Variants in MUC7 observed in about 807,000 individuals in gnomAD.
The protein encoded by MUC7 is mucin-7.
A neutral mutation model predicts 2.5 loss-of-function variants in MUC7; 2 were observed. That is an observed-to-expected ratio of 0.81 (90% CI 0.33 to 2.55). The LOEUF (loss-of-function observed/expected upper bound fraction) is 2.55. Ranked by LOEUF, MUC7 falls within the 30% of genes most tolerant of loss-of-function variation. The pLI, the probability that MUC7 is intolerant of heterozygous loss-of-function variation, is 0.11. For missense variants in MUC7, 408 were observed against 455.6 expected, an observed-to-expected ratio of 0.90 and a Z score of 0.95; for synonymous variants, 133 against 173.4, an observed-to-expected ratio of 0.77 and a Z score of 1.83.
chr4:70,479,716 A>G (rs1032329), intron 2 of MUC7, among the ~76,000 whole-genome samples: 53,272 of 152,154 alleles, frequency 0.35, 9,989 homozygotes, highest in Admixed American at 0.44. Context: ...AAATAATGTC[A>G]GCAATGGCTA....
chr4:70,477,720 A>C (rs539822629), intron 2 of MUC7, among the ~76,000 whole-genome samples: 10 of 152,244 alleles, frequency 6.6e-5, no homozygotes, highest in African/African-American at 2.2e-4. Context: ...CAGTTTTCCC[A>C]TCCATATAAT....
chr4:70,459,347 G>A (rs962523366), intron 1 of MUC7, among the ~76,000 whole-genome samples: 8 of 152,160 alleles, frequency 5.3e-5, no homozygotes, highest in Admixed American at 2.0e-4. Context: ...ACCAAACACC[G>A]CATGTTCTCA....
intron 1 of MUC7, among the ~76,000 whole-genome samples, chr4:70,456,413 T>C (rs967786927): frequency 2.0e-5 from 3 of 152,200 alleles, no homozygotes; most frequent in Admixed American, 6.5e-5. Flanking sequence ...TATGAAGAAC[T>C]ACCTGAGACT....
intron 1 of MUC7, among the ~76,000 whole-genome samples, chr4:70,460,620 C>G (rs1734531449): frequency 6.6e-6 from 1 of 152,012 alleles, no homozygotes; most frequent in Non-Finnish European, 1.5e-5. Context: ...CTTTGGTTTC[C>G]TTTGTCCTGG....
intron 1 of MUC7, among the ~76,000 whole-genome samples, chr4:70,456,652 G>C (rs112535267): frequency 0.021 from 3,143 of 152,258 alleles, 59 homozygotes; most frequent in Non-Finnish European, 0.031. Flanking sequence ...CCACTCCCAT[G>C]ATCCAAACAC....
chr4:70,439,759 C>G (rs942098640), intron 1 of MUC7, among the ~76,000 whole-genome samples: 1 of 151,866 alleles, frequency 6.6e-6, no homozygotes, highest in Non-Finnish European at 1.5e-5. Context: ...TTTAAAAGCA[C>G]TATATGAATG....
intron 1 of MUC7, among the ~76,000 whole-genome samples, chr4:70,442,754 T>C (rs1397415343): frequency 2.0e-5 from 3 of 152,236 alleles, no homozygotes; most frequent in African/African-American, 7.2e-5. Context: ...TGCCATCTTA[T>C]ATGTGCTTAA....
chr4:70,476,110 G>A (rs767099113), intron 2 of MUC7, among the ~76,000 whole-genome samples: 12 of 152,052 alleles, frequency 7.9e-5, no homozygotes, highest in Non-Finnish European at 1.8e-4. Flanking sequence ...TGCTTCACAG[G>A]GCTGCTGAAG....
upstream of MUC7, among the ~76,000 whole-genome samples, chr4:70,467,951 CAAGAA>C (rs1226370361): frequency 6.6e-6 from 1 of 151,920 alleles, no homozygotes; most frequent in Non-Finnish European, 1.5e-5. Context: ...GGGAGAGACA[CAAGAA>C]AAGAAAATTT....
At chr4:70,448,528 T>C (rs181157773) in intron 1 of MUC7, among the ~76,000 whole-genome samples, 1 of 152,348 alleles carries the variant, frequency 6.6e-6, no homozygotes, top group East Asian at 1.9e-4. Flanking sequence ...ATCAGTGATG[T>C]TGAGCACCTT....
chr4:70,458,804 C>T (rs749370954), intron 1 of MUC7, among the ~76,000 whole-genome samples: 11 of 151,832 alleles, frequency 7.2e-5, no homozygotes, highest in East Asian at 1.9e-4. Flanking sequence ...TTGCTAGAAA[C>T]ATGATTATAA....
chr4:70,464,427 A>C (rs2332065), intron 1 of MUC7, among the ~76,000 whole-genome samples: 28,131 of 152,116 alleles, frequency 0.18, 2,976 homozygotes, highest in African/African-American at 0.27. Flanking sequence ...AGAAGGCTAA[A>C]GTCAAGGAAC....
chr4:70,473,765 C>T (rs2109740430), intron 1 of MUC7, among the ~76,000 whole-genome samples: 1 of 152,276 alleles, frequency 6.6e-6, no homozygotes, highest in South Asian at 2.1e-4. Flanking sequence ...AGAAAATGCT[C>T]ATTTTGCAAA....
At chr4:70,460,154 C>G (rs1243305576) in intron 1 of MUC7, among the ~76,000 whole-genome samples, 2 of 150,988 alleles carry the variant, frequency 1.3e-5, no homozygotes, top group African/African-American at 4.9e-5. Context: ...AATATTACAA[C>G]ACTTAGATTA....
intron 2 of MUC7, among the ~76,000 whole-genome samples, chr4:70,478,913 CA>C (rs1344341391): frequency 2.0e-5 from 3 of 152,258 alleles, no homozygotes; most frequent in Non-Finnish European, 4.4e-5. Flanking sequence ...GGAAAAATAC[CA>C]AAGTCATGTG....
Position 70,482,058 on chromosome 4 carries a change from C to A in MUC7, c.*180C>A. ...CAAGACCTATTAACAAGACAAAATG[C>A]CTCTATCCCACAAGCCAGATGCAGG... On this transcript the variant is annotated 3_prime_UTR_variant, in exon 3 of 3. Coordinates refer to ENST00000304887, the MANE Select transcript of MUC7 (RefSeq NM_152291.3). 1.3e-6 allele frequency: 1 copy of A among 767,314 alleles called. No homozygotes were observed. 47.5% of individuals were successfully genotyped at this position (767,314 alleles called of 1,614,324 possible). A position where few individuals can be genotyped will look rare whatever the true frequency, so the allele number is the denominator to read the frequency against.
chr4:70,471,325 A>G (rs1487964108), upstream of MUC7, among the ~76,000 whole-genome samples: 1 of 152,192 alleles, frequency 6.6e-6, no homozygotes, highest in Non-Finnish European at 1.5e-5. Context: ...GAAACTAGAG[A>G]CATAACAAGT....
chr4:70,449,533 G>T (rs546909064), intron 1 of MUC7, among the ~76,000 whole-genome samples: 37 of 152,204 alleles, frequency 2.4e-4, no homozygotes, highest in South Asian at 2.3e-3. Context: ...ACAATATTTG[G>T]GCAAGGACAC....
At chr4:70,458,807 G>T (rs1042480884) in intron 1 of MUC7, among the ~76,000 whole-genome samples, 4 of 151,732 alleles carry the variant, frequency 2.6e-5, no homozygotes, top group Admixed American at 2.6e-4. Flanking sequence ...CTAGAAACAT[G>T]ATTATAAGAA....
Sources: allele counts gnomAD v4.1 joint callset (sites outside exome capture counted in the v4.1 genomes callset), GRCh38; gene constraint gnomAD v4.1.1; transcripts MANE v1.5; gene names NCBI Gene and HGNC (gene_info 2026-07-23, HGNC 2026-07-21).